TRAPPC12: variants seen among roughly 807,000 people sequenced by gnomAD.
TRAPPC12 encodes trafficking protein particle complex subunit 12.
TRAPPC12 carries 61 observed loss-of-function variants against 69.2 expected under a neutral mutation model. The observed-to-expected ratio is 0.88, with a 90% CI of 0.72 to 1.09. The LOEUF is 1.09. TRAPPC12 is among the 50% of genes least tolerant of loss of function. TRAPPC12 has a pLI of 0.00. For missense variants in TRAPPC12, 1,101 were observed against 1,016.4 expected (o/e 1.08, Z -1.13); for synonymous variants, 469 against 438.9 (o/e 1.07, Z -0.86).
chr2:3,444,027 G>T (rs1341216791), intron 6 of TRAPPC12, 136 bp downstream of exon 6: 1 of 648,642 alleles, frequency 1.5e-6, no homozygotes, highest in South Asian at 1.9e-5. Flanking sequence ...AAGGCTAGGT[G>T]ACCCGGTTTG....
intron 9 of TRAPPC12, among the ~76,000 whole-genome samples, chr2:3,471,689 A>G (rs1366163715): frequency 6.6e-6 from 1 of 152,206 alleles, no homozygotes; most frequent in Non-Finnish European, 1.5e-5. Context: ...GAAGCAACTG[A>G]TCTTCAAACA....
At position 3,409,027 on chromosome 2, in the gene TRAPPC12, G is replaced by T. The variant is rs369646435; in HGVS notation, c.1164+7134G>T. 9.8e-5 allele frequency among the ~76,000 whole-genome samples: 15 copies of T among 152,296 alleles called. No individual in the cohort carries two copies. The South Asian group carries it at 2.9e-3, about 29-fold the overall frequency. Reference sequence around the variant, plus strand: ...GCCCGGCCAGGGGCAGTCTCCTGGCGGCTGTGATCCTCTTCCTGAGGCTGC... The same window carrying T: ...GCCCGGCCAGGGGCAGTCTCCTGGCTGCTGTGATCCTCTTCCTGAGGCTGC... On this transcript the variant is annotated intron_variant, in intron 3 of 11. Transcript: ENST00000324266.
intron 7 of TRAPPC12, 45 bp from the exon 8 acceptor site, chr2:3,460,218 G>C: frequency 1.1e-6 from 1 of 872,148 alleles, no homozygotes; most frequent in Non-Finnish European, 2.0e-6. Context: ...GCTAGAAAGA[G>C]CCTCGAATTT....
At chr2:3,391,263 C>G (rs1477008406) in intron 2 of TRAPPC12, among the ~76,000 whole-genome samples, 1 of 152,108 alleles carries the variant, frequency 6.6e-6, no homozygotes, top group Non-Finnish European at 1.5e-5. Context: ...ACCTACAGCC[C>G]CCTTTAGTGC....
chr2:3,400,401 A>C (rs1311503728), intron 2 of TRAPPC12, among the ~76,000 whole-genome samples: 1 of 148,396 alleles, frequency 6.7e-6, no homozygotes, highest in Non-Finnish European at 1.5e-5. Context: ...CAGGATACTC[A>C]CTGTCTCTGG....
At chr2:3,442,150 T>TAA (rs1305543102) in intron 5 of TRAPPC12, among the ~76,000 whole-genome samples, 4 of 151,966 alleles carry the variant, frequency 2.6e-5, no homozygotes, top group Non-Finnish European at 4.4e-5. Context: ...AGCTAGTCTG[T>TAA]ACGTTGAGAT....
At chr2:3,409,477 A>G (rs544486125) in intron 3 of TRAPPC12, among the ~76,000 whole-genome samples, 2 of 152,316 alleles carry the variant, frequency 1.3e-5, no homozygotes, top group Non-Finnish European at 2.9e-5. Context: ...GCTGGGCACA[A>G]TGGCTCATGC....
In TRAPPC12 at chr2:3,479,484, G is replaced by A; in HGVS notation, c.*23G>A. The A allele has an allele frequency of 6.2e-7, 1 of 1,611,444 alleles. No individual in the cohort carries two copies. The highest frequency in any genetic ancestry group is 1.7e-5 in the Admixed American group (1 of 59,900). On this transcript the variant is annotated 3_prime_UTR_variant, in exon 12 of 12. Coordinates refer to ENST00000324266, the MANE Select transcript of TRAPPC12 (RefSeq NM_016030.6). ...TAGCTGCCTCCAACACACTACGTCA[G>A]AAGGACCCGGGTCTTTGAAACTGTG...
intron 9 of TRAPPC12, among the ~76,000 whole-genome samples, chr2:3,470,729 C>G (rs1390928278): frequency 6.6e-6 from 1 of 152,122 alleles, no homozygotes; most frequent in Admixed American, 6.5e-5. Flanking sequence ...AAAATTTGAA[C>G]AAGAGCACTG....
chr2:3,421,666 G>T (rs1465899175), intron 3 of TRAPPC12: 13 of 713,538 alleles, frequency 1.8e-5, no homozygotes, highest in Admixed American at 4.0e-5. Flanking sequence ...TGTACCTCAC[G>T]CTTGGCTCTC....
rs1572202798 is a variant in TRAPPC12 at position 3,465,587 on chromosome 2, C to G, written c.1678-10C>G. On this transcript the variant is annotated splice_polypyrimidine_tract_variant and intron_variant, in intron 8 of 11. Transcript: ENST00000324266. ...CAGCTCTAAAGTACGTTGGGTTTTT[C>G]TTCCCACAGGATTATGTGCTGGCCG... 1 of 1,608,740 alleles carries G rather than the reference C, an allele frequency of 6.2e-7. No homozygotes were observed.
chr2:3,460,024 C>G, intron 7 of TRAPPC12: 1 of 608,086 alleles, frequency 1.6e-6, no homozygotes, highest in Admixed American at 2.5e-5. Flanking sequence ...TGAGCAGCCA[C>G]CCTCCTGGTT....
chr2:3,424,707 G>A (rs375536414), intron 5 of TRAPPC12, 44 bp downstream of exon 5: 19 of 1,522,544 alleles, frequency 1.2e-5, no homozygotes, highest in South Asian at 8.0e-5. Flanking sequence ...TCTGTGTGTC[G>A]CTCTGGTTTG....
chr2:3,441,879 G>A (rs1664230383), intron 5 of TRAPPC12, among the ~76,000 whole-genome samples: 1 of 152,012 alleles, frequency 6.6e-6, no homozygotes, highest in South Asian at 2.1e-4. Flanking sequence ...ATTTTGATAA[G>A]TTGTATTTTT....
At chr2:3,462,807 C>T (rs1572198579) in intron 8 of TRAPPC12, 1 of 437,452 alleles carries the variant, frequency 2.3e-6, no homozygotes, top group African/African-American at 2.0e-5. Context: ...CTTGGGCCCC[C>T]CCTCCCCCGG....
At chr2:3,400,614 C>G (rs1013407471) in intron 2 of TRAPPC12, among the ~76,000 whole-genome samples, 1 of 152,200 alleles carries the variant, frequency 6.6e-6, no homozygotes, top group Non-Finnish European at 1.5e-5. Flanking sequence ...CGTCTCCTGC[C>G]GCCCGTGGAG....
intron 5 of TRAPPC12, among the ~76,000 whole-genome samples, chr2:3,431,921 C>T (rs1663464829): frequency 6.6e-6 from 1 of 152,130 alleles, no homozygotes; most frequent in Admixed American, 6.5e-5. Context: ...TTTTCCAGAC[C>T]CCCACCACCA....
Position 3,388,020 on chromosome 2 carries a change from C to T in TRAPPC12, c.397C>T (p.Gln133Ter). The change falls in exon 2 of 12, where the codon CAG (glutamine) becomes TAG (stop). Residue 133 changes from glutamine (Q) to a stop codon, truncating the protein, a stop_gained. Transcript: ENST00000324266. LOFTEE classifies it high-confidence loss of function. ...ACCCAGTAGCGGAGGGGCCCCGAGG[C>T]AGGACGCGGCCCGCGAGGTCCCAGG... ...AAPSSGGAPRQDAAREVPGSE... is the reference protein window; with the variant it reads ...AAPSSGGAPR 1.4e-6 allele frequency: 2 copies of T among 1,470,404 alleles called. No individual in the cohort carries two copies. The highest frequency in any genetic ancestry group is 8.9e-7 in the Non-Finnish European group (1 of 1,117,900). 91.1% of individuals were successfully genotyped at this position (1,470,404 alleles called of 1,614,324 possible). A position where few individuals can be genotyped will look rare whatever the true frequency, so the allele number is the denominator to read the frequency against.
chr2:3,417,772 A>G (rs530328761), intron 3 of TRAPPC12, among the ~76,000 whole-genome samples: 3 of 152,064 alleles, frequency 2.0e-5, no homozygotes, highest in Admixed American at 2.0e-4. Flanking sequence ...GCCGGGCGTG[A>G]TGGCTCACGC....
Sources: allele counts gnomAD v4.1 joint callset (sites outside exome capture counted in the v4.1 genomes callset), GRCh38; gene constraint gnomAD v4.1.1; transcripts MANE v1.5; gene names NCBI Gene and HGNC (gene_info 2026-07-23, HGNC 2026-07-21).